MASP2: variants seen among roughly 807,000 people sequenced by gnomAD.
The protein encoded by MASP2 is MBL associated serine protease 2.
In MASP2, 49 loss-of-function variants were observed where a neutral mutation model predicts 57.1. The ratio of observed to expected loss-of-function variants is 0.86; its 90% CI spans 0.68 to 1.09. MASP2 has a LOEUF of 1.09. Among genes scored for constraint, MASP2 ranks in the 50% least tolerant of loss-of-function variants. The probability of loss-of-function intolerance (pLI) is 0.00; values close to 1 mark genes in which losing one functional copy is unlikely to be tolerated. For missense variants in MASP2, 900 were observed against 874.8 expected, an observed-to-expected ratio of 1.03 and a Z score of -0.36; for synonymous variants, 379 against 340.8, an observed-to-expected ratio of 1.11 and a Z score of -1.24.
chr1:11,043,535 G>T lies in MASP2; in HGVS notation c.545C>A (p.Ala182Asp). 6.3e-7 allele frequency: 1 copy of T among 1,594,076 alleles called. No individual in the cohort carries two copies. Among genetic ancestry groups the T allele is most frequent in the South Asian group, 1.1e-5 (1 of 87,988 alleles). ...VLHRNKRTCSALCSGQVFTQR... is the reference protein window; with the variant it reads ...VLHRNKRTCSDLCSGQVFTQR... ...GGTGAAGACCTGGCCGGAGCACAGG[G>T]CTGGAAGGAGGGAAGGCAGGGGAGT... Residue 182 changes from alanine (A) to aspartate (D), a missense_variant and splice_region_variant, in exon 5 of 11, where the codon GCC becomes GAC. Ala to Asp is a moderately radical substitution (Grantham distance 126, BLOSUM62 -2). Transcript: ENST00000400897.
chr1:11,042,807 C>T, intron 6 of MASP2, 68 bp downstream of exon 6: 2 of 1,571,552 alleles, frequency 1.3e-6, no homozygotes, highest in South Asian at 2.3e-5. Context: ...CACTCTACAG[C>T]TCCTTGACAC....
At chr1:11,030,293 A>C in intron 9 of MASP2, 43 bp from the exon 10 acceptor site, 1 of 1,393,860 alleles carries the variant, frequency 7.2e-7, no homozygotes, top group Non-Finnish European at 1.0e-6. Context: ...CTGCATGTAT[A>C]AGATGGTTGT....
At chr1:11,042,080 T>G (rs562002728) in intron 6 of MASP2, among the ~76,000 whole-genome samples, 19 of 149,002 alleles carry the variant, frequency 1.3e-4, no homozygotes, top group Admixed American at 3.3e-4. Flanking sequence ...ATGGATAAGA[T>G]TGGTAGGTAG....
At chr1:11,029,190 C>T (rs1423097980) in intron 10 of MASP2, among the ~76,000 whole-genome samples, 4 of 150,268 alleles carry the variant, frequency 2.7e-5, no homozygotes, top group Admixed American at 6.7e-5. Flanking sequence ...TTAGTAGAGA[C>T]GGAGTTTCAC....
At chr1:11,033,153 A>AC (rs1200551695) in intron 8 of MASP2, among the ~76,000 whole-genome samples, 3 of 151,624 alleles carry the variant, frequency 2.0e-5, no homozygotes, top group African/African-American at 7.3e-5. Context: ...ACATGGAGAA[A>AC]CCCCGTCTCT....
intron 8 of MASP2, among the ~76,000 whole-genome samples, chr1:11,034,275 AC>A (rs2100882837): frequency 6.6e-6 from 1 of 151,610 alleles, no homozygotes; most frequent in African/African-American, 2.4e-5. Flanking sequence ...TTGTCAAAGA[AC>A]ATATTTTTCT....
chr1:11,044,434 T>C (rs1163595411), intron 4 of MASP2, among the ~76,000 whole-genome samples: 1 of 152,168 alleles, frequency 6.6e-6, no homozygotes, highest in Non-Finnish European at 1.5e-5. Context: ...TTCTTCCACG[T>C]GGCTGTGCCC....
intron 9 of MASP2, chr1:11,030,491 A>C: frequency 1.7e-6 from 1 of 578,944 alleles, no homozygotes; most frequent in Admixed American, 3.4e-5. Flanking sequence ...GCTTAATGAT[A>C]AGGTGTTGAC....
At chr1:11,035,760 T>C (rs1030224603) in intron 7 of MASP2, among the ~76,000 whole-genome samples, 38 of 151,592 alleles carry the variant, frequency 2.5e-4, no homozygotes, top group Non-Finnish European at 5.9e-5. Flanking sequence ...GCCGGGCGTG[T>C]TGGCGCTTGC....
At chr1:11,037,881 T>TGAA in intron 6 of MASP2, 70 bp from the exon 7 acceptor site, 1 of 841,660 alleles carries the variant, frequency 1.2e-6, no homozygotes, top group Non-Finnish European at 1.9e-6. Flanking sequence ...TCGAGCCATC[T>TGAA]GAAGTTCTTA....
At chr1:11,033,749 G>C (rs1284958203) in intron 8 of MASP2, among the ~76,000 whole-genome samples, 1 of 152,014 alleles carries the variant, frequency 6.6e-6, no homozygotes, top group African/African-American at 2.4e-5. Flanking sequence ...TGGCCAACAT[G>C]GTGAAACCTC....
In MASP2 at chr1:11,042,888, G is replaced by A; in HGVS notation, c.876C>T (p.His292=). The change falls in exon 6 of 11, where the codon CAC becomes CAT. Residue 292 remains histidine, a synonymous_variant. Coordinates refer to ENST00000400897, the MANE Select transcript of MASP2 (RefSeq NM_006610.4). ...ESGDHTGWKI[H]YTSTAQPCPY... ...CCACTTGCTCACCTGTGCTCGTGTA[G>A]TGGATCTTCCAGCCTGTGTGGTCTC... is the stretch of plus-strand genomic sequence containing the variant. 6.2e-7 allele frequency: 1 copy of A among 1,613,972 alleles called. No homozygotes were observed. The highest frequency in any genetic ancestry group is 8.5e-7 in the Non-Finnish European group (1 of 1,179,904).
chr1:11,031,395 A>G (rs1010881661), intron 8 of MASP2, among the ~76,000 whole-genome samples: 7 of 151,418 alleles, frequency 4.6e-5, no homozygotes, highest in Admixed American at 1.3e-4. Context: ...CAGGCGTGGT[A>G]GCGGGCGCCT....
intron 8 of MASP2, among the ~76,000 whole-genome samples, chr1:11,033,385 C>A (rs1643866970): frequency 6.6e-6 from 1 of 151,784 alleles, no homozygotes; most frequent in African/African-American, 2.4e-5. Context: ...TGGCTCATGC[C>A]TGTACTACTA....
chr1:11,041,404 G>GATGGATGGGTGGA (rs1638430139), intron 6 of MASP2, among the ~76,000 whole-genome samples: 2 of 120,742 alleles, frequency 1.7e-5, no homozygotes, highest in African/African-American at 6.7e-5. Context: ...GGATGGATGA[G>GATGGATGGGTGGA]TGGATGGATG....
chr1:11,030,467 T>A, intron 9 of MASP2: 1 of 581,588 alleles, frequency 1.7e-6, no homozygotes, highest in Non-Finnish European at 3.0e-6. Flanking sequence ...TGAATATGTA[T>A]CAAGATCTCA....
chr1:11,029,944 C>G (rs1021319430), intron 10 of MASP2: 1 of 378,430 alleles, frequency 2.6e-6, no homozygotes, highest in African/African-American at 2.1e-5. Context: ...ATTTTTTATG[C>G]TTGCCTAGTT....
chr1:11,031,139 C>G (rs1441786022), intron 8 of MASP2, among the ~76,000 whole-genome samples: 1 of 151,946 alleles, frequency 6.6e-6, no homozygotes, highest in African/African-American at 2.4e-5. Context: ...GAGGGGGAGT[C>G]GTCCATGTGG....
rs762692182 is a variant in MASP2 at position 11,037,696 on chromosome 1, C to G, written c.1005G>C (p.Leu335=). ...SIFCETGYEL[L]QGHLPLKSFT... ...GGTGTACTTTGTTTTAACTCACTTG[C>G]AGAAGCTCATAGCCAGTCTCGCAAA... Residue 335 remains leucine, a synonymous_variant, in exon 7 of 11, where the codon CTG becomes CTC. Coordinates refer to ENST00000400897, the MANE Select transcript of MASP2 (RefSeq NM_006610.4). The G allele has an allele frequency of 6.2e-7, 1 of 1,601,376 alleles. No individual in the cohort carries two copies.
Sources: gnomAD v4.1 joint callset for allele counts (sites outside exome capture counted in the v4.1 genomes callset) on GRCh38, gnomAD v4.1.1 for gene constraint, MANE v1.5 for transcripts, NCBI Gene and HGNC (gene_info 2026-07-23, HGNC 2026-07-21) for gene names.